The following REXO5 variants were observed in gnomAD, a reference collection of about 807,000 sequenced individuals.
REXO5 encodes the protein RNA exonuclease 5, also known as exonuclease NEF-sp.
REXO5 carries 48 observed loss-of-function variants against 88.5 expected under a neutral mutation model. The ratio of observed to expected loss-of-function variants is 0.54; its 90% CI spans 0.43 to 0.69. The LOEUF (loss-of-function observed/expected upper bound fraction) is 0.69. Ranked by LOEUF, REXO5 falls within the 30% of genes least tolerant of loss-of-function variation. The pLI is 0.00. For synonymous variants in REXO5, 311 were observed against 336.5 expected, an observed-to-expected ratio of 0.92 and a Z score of 0.83; for missense variants, 749 against 912.2, an observed-to-expected ratio of 0.82 and a Z score of 2.30.
At chr16:20,841,001 C>G (rs2081519302) in intron 15 of REXO5, among the ~76,000 whole-genome samples, 1 of 152,006 alleles carries the variant, frequency 6.6e-6, no homozygotes, top group South Asian at 2.1e-4. Flanking sequence ...TAGAAAGTTA[C>G]TTCTTTTTTT....
chr16:20,849,470 T>C lies in REXO5; in HGVS notation c.2315T>C (p.Leu772Pro). ...KEEEESAGPGLCS is the reference protein window; with the variant it reads ...KEEEESAGPGPCS ...GAAGAAGAAAGCGCTGGCCCAGGCCTGTGTTCGTGAGTCGGCCTGCCATGT... is the reference window on the plus strand; with the variant it reads ...GAAGAAGAAAGCGCTGGCCCAGGCCCGTGTTCGTGAGTCGGCCTGCCATGT... The change falls in exon 20 of 20, where the codon CTG becomes CCG. Residue 772 changes from leucine to proline, a missense_variant. By Grantham distance (98) the Leu-to-Pro change is moderately conservative. Transcript: ENST00000261377. 1 of 1,614,010 alleles carries C rather than the reference T, an allele frequency of 6.2e-7. No individual in the cohort carries two copies. The highest frequency in any genetic ancestry group is 8.5e-7 in the Non-Finnish European group (1 of 1,179,866).
In REXO5 at chr16:20,849,508, T is replaced by C. The variant is rs2081660746; in HGVS notation, c.*28T>C. On this transcript the variant is annotated 3_prime_UTR_variant, in exon 20 of 20. Coordinates refer to ENST00000261377, the MANE Select transcript of REXO5 (RefSeq NM_030941.3). The stretch of plus-strand genomic sequence containing the variant: ...CGGCCTGCCATGTTTCCATGTGCCA[T>C]TTCTTACCCCTTGTAGGCAATGGCA... 1 of 1,607,078 alleles carries C rather than the reference T, an allele frequency of 6.2e-7. No homozygotes were observed.
chr16:20,832,456 C>G (rs1361364577), intron 12 of REXO5, among the ~76,000 whole-genome samples, 197 bp downstream of exon 12: 1 of 148,460 alleles, frequency 6.7e-6, no homozygotes, highest in Admixed American at 6.8e-5. Flanking sequence ...TTCTAATTTT[C>G]TGAATCTAGT....
rs1484147443 is a variant in REXO5 at position 20,846,272 on chromosome 16, A to T, written c.2176A>T (p.Ile726Phe). 6.2e-7 allele frequency: 1 copy of T among 1,614,042 alleles called. No homozygotes were observed. ...AGCAGCCTGGCGCTGGAGCCGGAAGATTGGAAAGCTCTACAACAGCTTGTG... is the reference window on the plus strand; with the variant it reads ...AGCAGCCTGGCGCTGGAGCCGGAAGTTTGGAAAGCTCTACAACAGCTTGTG... ...KIAAWRWSRKIGKLYNSLCPG... is the reference protein window; with the variant it reads ...KIAAWRWSRKFGKLYNSLCPG... Residue 726 changes from isoleucine to phenylalanine, a missense_variant, in exon 19 of 20, where the codon ATT becomes TTT. Coordinates refer to ENST00000261377, the MANE Select transcript of REXO5 (RefSeq NM_030941.3).
In REXO5 at chr16:20,844,689, G is replaced by A. The variant is rs371436876; in HGVS notation, c.1780G>A (p.Gly594Arg). ...TGACACCCTCGTGAATGAGCTGGAAGGAGATTCTGAAAACCAAGGCTCTAT... is the reference window on the plus strand; with the variant it reads ...TGACACCCTCGTGAATGAGCTGGAAAGAGATTCTGAAAACCAAGGCTCTAT... Reference protein sequence around the residue: ...DCDTLVNELEGDSENQGSIYL... With the variant: ...DCDTLVNELERDSENQGSIYL... The change falls in exon 17 of 20, where the codon GGA (glycine) becomes AGA (arginine). Residue 594 changes from glycine (G) to arginine (R), a missense_variant. By Grantham distance (125) the Gly-to-Arg change is moderately radical (BLOSUM62 -2). Transcript: ENST00000261377. 6.2e-6 allele frequency: 10 copies of A among 1,614,104 alleles called. No individual in the cohort carries two copies. In the African/African-American group the frequency reaches 1.3e-4, roughly 22 times the overall value.
chr16:20,835,188 A>T (rs2081407605), intron 13 of REXO5, among the ~76,000 whole-genome samples: 1 of 144,014 alleles, frequency 6.9e-6, no homozygotes, highest in African/African-American at 2.6e-5. Flanking sequence ...TTTCTTTCTT[A>T]TGTTGCCTAG....
At position 20,846,233 on chromosome 16, in the gene REXO5, G is replaced by T; in HGVS notation, c.2137G>T (p.Asp713Tyr). ...GCTTTGATCCCAGACTCTGAAACTG[G>T]ACCACCCGAAGATAGCAGCCTGGCG... is the stretch of plus-strand genomic sequence containing the variant. ...EQEALQTLKLDHPKIAAWRWS... is the reference protein window; with the variant it reads ...EQEALQTLKLYHPKIAAWRWS... The change falls in exon 19 of 20, where the codon GAC (aspartate) becomes TAC (tyrosine). Residue 713 changes from aspartate (D) to tyrosine (Y), a missense_variant. Transcript: ENST00000261377. 6.2e-7 allele frequency: 1 copy of T among 1,613,970 alleles called. No individual in the cohort carries two copies. The highest frequency in any genetic ancestry group is 1.1e-5 in the South Asian group (1 of 91,058).
chr16:20,823,783 G>A (rs953689757), intron 6 of REXO5, among the ~76,000 whole-genome samples: 2 of 152,148 alleles, frequency 1.3e-5, no homozygotes, highest in African/African-American at 2.4e-5. Flanking sequence ...GGGTTTTTGA[G>A]CTAAATATGC....
chr16:20,837,858 C>T (rs758083368), intron 13 of REXO5, among the ~76,000 whole-genome samples: 3 of 152,122 alleles, frequency 2.0e-5, no homozygotes, highest in East Asian at 1.9e-4. Flanking sequence ...CCTTGACCTC[C>T]GGGCTCAAGC....
chr16:20,820,649 T>C (rs1230026469), intron 5 of REXO5, among the ~76,000 whole-genome samples: 2 of 137,410 alleles, frequency 1.5e-5, no homozygotes, highest in Non-Finnish European at 3.0e-5. Flanking sequence ...CTGCAACCTC[T>C]GCCTCCCGAG....
chr16:20,821,761 G>A lies in REXO5; in HGVS notation c.476-1G>A. ...TATACGTTCAATTGTTTTTCTTTCA[G>A]GGCCTTTACCTTCTAATGCAAAAGC... On this transcript the variant is annotated splice_acceptor_variant, in intron 5 of 19. Transcript: ENST00000261377. LOFTEE classifies it high-confidence loss of function. 6.4e-7 allele frequency: 1 copy of A among 1,568,644 alleles called. No homozygotes were observed. The highest frequency in any genetic ancestry group is 8.6e-7 in the Non-Finnish European group (1 of 1,164,844).
At chr16:20,831,132 C>G (rs2081338113) in intron 11 of REXO5, among the ~76,000 whole-genome samples, 1 of 150,886 alleles carries the variant, frequency 6.6e-6, no homozygotes, top group Non-Finnish European at 1.5e-5. Context: ...TGTCCAGCTA[C>G]AAATAACTTA....
intron 15 of REXO5, among the ~76,000 whole-genome samples, chr16:20,843,037 A>T (rs1373864050): frequency 6.6e-6 from 1 of 152,182 alleles, no homozygotes; most frequent in African/African-American, 2.4e-5. Context: ...AGCCATCCTA[A>T]TGGATGTGAA....
chr16:20,807,978 G>A (rs1224271841), intron 2 of REXO5, among the ~76,000 whole-genome samples: 1 of 152,154 alleles, frequency 6.6e-6, no homozygotes, highest in Non-Finnish European at 1.5e-5. Flanking sequence ...GAGGTGAGCG[G>A]TGGCCGATAG....
chr16:20,844,682 G>A lies in REXO5; in HGVS notation c.1773G>A (p.Glu591=), dbSNP rs778216000. 2 of 1,614,196 alleles carry A rather than the reference G, an allele frequency of 1.2e-6. No homozygotes were observed. The highest frequency in any genetic ancestry group is 1.7e-6 in the Non-Finnish European group (2 of 1,180,026). Residue 591 remains glutamate, a synonymous_variant, in exon 17 of 20, where the codon GAG becomes GAA. Coordinates refer to ENST00000261377, the MANE Select transcript of REXO5 (RefSeq NM_030941.3). Reference sequence around the variant, plus strand: ...TTGATTGTGACACCCTCGTGAATGAGCTGGAAGGAGATTCTGAAAACCAAG... The same window carrying A: ...TTGATTGTGACACCCTCGTGAATGAACTGGAAGGAGATTCTGAAAACCAAG... ...LTLDCDTLVN[E]LEGDSENQGS... is the part of the protein sequence containing the mutation.
intron 15 of REXO5, among the ~76,000 whole-genome samples, chr16:20,842,167 G>C (rs1292048956): frequency 2.6e-5 from 4 of 152,052 alleles, no homozygotes; most frequent in African/African-American, 7.2e-5. Context: ...ATCCCGAACT[G>C]AAATTTCCTA....
In REXO5 at chr16:20,845,060, A is replaced by G. The variant is rs1257591487; in HGVS notation, c.1943A>G (p.Lys648Arg). The G allele has an allele frequency of 2.5e-6, 4 of 1,612,366 alleles. No individual in the cohort carries two copies. The highest frequency in any genetic ancestry group is 3.4e-6 in the Non-Finnish European group (4 of 1,179,038). ...TGGGGGTTCTTGCTTTCAGAATTCA[A>G]AAGTTTTGGCAGTGCCCAGCAGGCC... is the stretch of plus-strand genomic sequence containing the variant. ...KQKKYCFLKF[K>R]SFGSAQQALN... Residue 648 changes from lysine to arginine, a missense_variant, in exon 18 of 20, where the codon AAA becomes AGA. Coordinates refer to ENST00000261377, the MANE Select transcript of REXO5 (RefSeq NM_030941.3).
At position 20,827,451 on chromosome 16, in the gene REXO5, G is replaced by C; in HGVS notation, c.1055+4G>C. ...TCTTAGCCAAAGTTATTTTGGGGTA[G>C]GTTTGCTTATATGCTGTAATATTGT... On this transcript the variant is annotated splice_donor_region_variant and intron_variant, in intron 10 of 19. Transcript: ENST00000261377. 1 of 1,607,048 alleles carries C rather than the reference G, an allele frequency of 6.2e-7. No homozygotes were observed. Among genetic ancestry groups the C allele is most frequent in the Non-Finnish European group, 8.5e-7 (1 of 1,174,272 alleles).
intron 8 of REXO5, among the ~76,000 whole-genome samples, chr16:20,826,665 T>A (rs2081264350): frequency 6.6e-6 from 1 of 152,228 alleles, no homozygotes; most frequent in African/African-American, 2.4e-5. Flanking sequence ...AGGGGATTAG[T>A]TAAAATATGC....
Sources: gnomAD v4.1 joint callset for allele counts (sites outside exome capture counted in the v4.1 genomes callset) on GRCh38, gnomAD v4.1.1 for gene constraint, MANE v1.5 for transcripts, NCBI Gene and HGNC (gene_info 2026-07-23, HGNC 2026-07-21) for gene names.